The following NSUN4 variants were observed in gnomAD, a reference collection of about 807,000 sequenced individuals.
NSUN4 encodes the protein 5-cytosine rRNA methyltransferase NSUN4.
In NSUN4, 31 loss-of-function variants were observed where a neutral mutation model predicts 43.8. That is an observed-to-expected ratio of 0.71 (90% CI 0.53 to 0.96). The LOEUF is 0.96. Ranked by LOEUF, NSUN4 falls within the 40% of genes least tolerant of loss-of-function variation. The probability of loss-of-function intolerance (pLI) is 0.00; values close to 1 mark genes in which losing one functional copy is unlikely to be tolerated. For missense variants in NSUN4, 439 were observed against 475.6 expected, an observed-to-expected ratio of 0.92 and a Z score of 0.72; for synonymous variants, 167 against 184.1, an observed-to-expected ratio of 0.91 and a Z score of 0.75.
chr1:46,352,547 T>G (rs72677591), intron 3 of NSUN4, among the ~76,000 whole-genome samples: 33,181 of 137,374 alleles, frequency 0.24, 4,133 homozygotes, highest in Non-Finnish European at 0.3. Flanking sequence ...AAGGCGAAAG[T>G]AATGGGGAAA....
intron 4 of NSUN4, among the ~76,000 whole-genome samples, chr1:46,357,182 TA>T (rs763536083): frequency 1.1e-4 from 17 of 152,282 alleles, no homozygotes; most frequent in Non-Finnish European, 1.8e-4. Context: ...GAGATCAACA[TA>T]TTTTTTTATT....
chr1:46,381,083 A>G, the NSUN4 span, among the ~76,000 whole-genome samples: 3 of 152,118 alleles, frequency 2.0e-5, no homozygotes, highest in Admixed American at 6.6e-5. Flanking sequence ...CCAAGCTCTA[A>G]AACACTTGCT....
intron 1 of NSUN4, chr1:46,341,754 T>C: frequency 8.1e-7 from 1 of 1,231,860 alleles, no homozygotes; most frequent in Non-Finnish European, 1.0e-6. Flanking sequence ...TTCCCCACTC[T>C]CCAGCCCTTA....
At chr1:46,369,208 A>G (rs1185323856), downstream of NSUN4, among the ~76,000 whole-genome samples, 1 of 152,184 alleles carries the variant, frequency 6.6e-6, no homozygotes, top group Non-Finnish European at 1.5e-5. Flanking sequence ...TACAATGAAT[A>G]TAGCACTTTC....
the NSUN4 span, among the ~76,000 whole-genome samples, chr1:46,378,223 T>G: frequency 7.2e-6 from 1 of 139,568 alleles, no homozygotes. Flanking sequence ...TTTTTTGAGA[T>G]GGAGTTTCTC....
the NSUN4 span, among the ~76,000 whole-genome samples, chr1:46,380,135 T>C: frequency 1.3e-5 from 2 of 152,190 alleles, no homozygotes; most frequent in Admixed American, 6.5e-5. Flanking sequence ...TCACACCCTC[T>C]GGAATCTGAG....
At chr1:46,376,096 TAAAAA>T in the NSUN4 span, among the ~76,000 whole-genome samples, 10 of 40,870 alleles carry the variant, frequency 2.4e-4, no homozygotes, top group Admixed American at 4.3e-4. Context: ...AGAGCGAAAC[TAAAAA>T]AAAAAAAAAA....
At chr1:46,366,510 G>A (rs1257533437), downstream of NSUN4, among the ~76,000 whole-genome samples, 2 of 151,918 alleles carry the variant, frequency 1.3e-5, no homozygotes, top group Non-Finnish European at 2.9e-5. Flanking sequence ...TATAAACAAA[G>A]ATTATGATTA....
chr1:46,343,836 A>G (rs762878949), intron 1 of NSUN4: 2 of 400,516 alleles, frequency 5.0e-6, no homozygotes, highest in African/African-American at 2.1e-5. Flanking sequence ...AGAGTCCCCA[A>G]CATGGCAAAG....
At chr1:46,373,424 T>A in the NSUN4 span, among the ~76,000 whole-genome samples, 1 of 152,342 alleles carries the variant, frequency 6.6e-6, no homozygotes, top group Non-Finnish European at 1.5e-5. Flanking sequence ...GGTTAATTTA[T>A]AAGGAAAAGA....
chr1:46,383,192 T>C, the NSUN4 span, among the ~76,000 whole-genome samples: 2 of 152,116 alleles, frequency 1.3e-5, no homozygotes, highest in African/African-American at 2.4e-5. Flanking sequence ...GATTGGGCCA[T>C]GAAGAAGAGC....
intron 3 of NSUN4, among the ~76,000 whole-genome samples, 154 bp from the exon 4 acceptor site, chr1:46,352,714 A>G (rs1009786808): frequency 1.3e-5 from 2 of 152,160 alleles, no homozygotes; most frequent in Non-Finnish European, 2.9e-5. Flanking sequence ...CCCACTCAGA[A>G]TGACTGATGC....
chr1:46,358,398 A>ATTTTTTTT (rs34719174), intron 4 of NSUN4, among the ~76,000 whole-genome samples: 2 of 95,456 alleles, frequency 2.1e-5, no homozygotes, highest in Non-Finnish European at 4.0e-5. Flanking sequence ...TCCTGGCCTA[A>ATTTTTTTT]TTTTTTTTTT....
At chr1:46,380,955 A>G in the NSUN4 span, among the ~76,000 whole-genome samples, 3 of 152,198 alleles carry the variant, frequency 2.0e-5, no homozygotes, top group African/African-American at 7.2e-5. Context: ...TTCATATAAT[A>G]GTACCAGAGT....
At chr1:46,361,483 C>G in intron 5 of NSUN4, 87 bp from the exon 6 acceptor site, 7 of 1,251,024 alleles carry the variant, frequency 5.6e-6, no homozygotes, top group Non-Finnish European at 7.9e-6. Flanking sequence ...TAGTAGCCTT[C>G]CCTTATCCAT....
At chr1:46,373,500 C>T in the NSUN4 span, among the ~76,000 whole-genome samples, 1 of 152,194 alleles carries the variant, frequency 6.6e-6, no homozygotes, top group Non-Finnish European at 1.5e-5. Flanking sequence ...TAGTGAGGGC[C>T]TTCTTGCTGG....
chr1:46,344,571 C>A (rs537322492), intron 1 of NSUN4, among the ~76,000 whole-genome samples: 2 of 152,158 alleles, frequency 1.3e-5, no homozygotes, highest in Non-Finnish European at 2.9e-5. Context: ...TCTTGATGAC[C>A]CCCGCACAGT....
chr1:46,373,670 C>T, the NSUN4 span, among the ~76,000 whole-genome samples: 1 of 152,210 alleles, frequency 6.6e-6, no homozygotes, highest in South Asian at 2.1e-4. Context: ...CACCAATAAT[C>T]CATTACCATG....
intron 4 of NSUN4, among the ~76,000 whole-genome samples, chr1:46,356,718 G>T (rs965327467): frequency 1.3e-5 from 2 of 151,498 alleles, no homozygotes; most frequent in African/African-American, 4.8e-5. Flanking sequence ...AGAAGAAGAA[G>T]AATACTACTT....
Sources: gnomAD v4.1 joint callset for allele counts (sites outside exome capture counted in the v4.1 genomes callset) on GRCh38, gnomAD v4.1.1 for gene constraint, MANE v1.5 for transcripts, NCBI Gene and HGNC (gene_info 2026-07-23, HGNC 2026-07-21) for gene names.